The following LRP2BP variants were observed in gnomAD, a reference collection of about 807,000 sequenced individuals.
The protein encoded by LRP2BP is LRP2 binding protein, also known as LRP2-binding protein.
In LRP2BP, 38 loss-of-function variants were observed where a neutral mutation model predicts 45.2. The observed-to-expected ratio is 0.84, with a 90% CI of 0.65 to 1.10. The LOEUF (loss-of-function observed/expected upper bound fraction) is 1.10, where lower values mean the gene tolerates loss of function less well. Among genes scored for constraint, LRP2BP ranks in the 50% least tolerant of loss-of-function variants. LRP2BP has a pLI of 0.00. For synonymous variants in LRP2BP, 153 were observed against 153.9 expected, an observed-to-expected ratio of 0.99 and a Z score of 0.04; for missense variants, 385 against 418.9, an observed-to-expected ratio of 0.92 and a Z score of 0.71.
intron 1 of LRP2BP, among the ~76,000 whole-genome samples, chr4:185,384,672 C>T (rs1018787061): frequency 2.0e-5 from 3 of 150,664 alleles, no homozygotes; most frequent in Non-Finnish European, 4.4e-5. Flanking sequence ...AATAAGCCTC[C>T]CCGGCAAACC....
At position 185,375,628 on chromosome 4, in the gene LRP2BP, C is replaced by T. The variant is rs1211799045; in HGVS notation, c.315G>A (p.Gly105=). The stretch of plus-strand genomic sequence containing the variant: ...ATTAACTTACAGCGTCTAGAGTGGT[C>T]CCCAGCCCATCATAGTACATCACTC... ...QLGVMYYDGL[G]TTLDAEKGVD... The change falls in exon 4 of 9, where the codon GGG becomes GGA. Residue 105 remains glycine, a synonymous_variant. Coordinates refer to ENST00000505916, the MANE Select transcript of LRP2BP (RefSeq NM_001377440.1). The T allele has an allele frequency of 6.2e-6, 10 of 1,606,654 alleles. No homozygotes were observed. Among genetic ancestry groups the T allele is most frequent in the Non-Finnish European group, 8.5e-6 (10 of 1,176,456 alleles).
chr4:185,386,963 T>C (rs2095473503), intron 1 of LRP2BP, among the ~76,000 whole-genome samples: 1 of 152,154 alleles, frequency 6.6e-6, no homozygotes, highest in South Asian at 2.1e-4. Context: ...ACCATTGTGT[T>C]GGCAGGGTGC....
intron 8 of LRP2BP, among the ~76,000 whole-genome samples, chr4:185,368,493 C>T (rs967369681): frequency 1.3e-5 from 2 of 152,200 alleles, no homozygotes; most frequent in East Asian, 1.9e-4. Context: ...TCCCTTCCTG[C>T]GGGACACTGC....
chr4:185,377,078 G>A (rs1221442077), intron 2 of LRP2BP, 60 bp from the exon 3 acceptor site: 3 of 1,181,158 alleles, frequency 2.5e-6, no homozygotes, highest in African/African-American at 3.0e-5. Context: ...CTCTCTTGAA[G>A]TAATGAATCA....
At chr4:185,385,191 G>T (rs1252357923) in intron 1 of LRP2BP, among the ~76,000 whole-genome samples, 1 of 152,166 alleles carries the variant, frequency 6.6e-6, no homozygotes, top group African/African-American at 2.4e-5. Context: ...CCCGCCGTTT[G>T]TGTGGGCCCA....
At chr4:185,386,154 ACAC>A (rs1456481079) in intron 1 of LRP2BP, among the ~76,000 whole-genome samples, 1 of 152,230 alleles carries the variant, frequency 6.6e-6, no homozygotes, top group Non-Finnish European at 1.5e-5. Flanking sequence ...AAAAAATAAA[ACAC>A]AAAACAAGCA....
At chr4:185,375,900 G>A (rs1421109869) in intron 3 of LRP2BP, among the ~76,000 whole-genome samples, 174 bp from the exon 4 acceptor site, 3 of 152,030 alleles carry the variant, frequency 2.0e-5, no homozygotes, top group South Asian at 2.1e-4. Context: ...ATGGTGCTCT[G>A]CCATCCTCAG....
At chr4:185,384,076 C>T (rs2095463292) in intron 1 of LRP2BP, among the ~76,000 whole-genome samples, 1 of 152,158 alleles carries the variant, frequency 6.6e-6, no homozygotes, top group Non-Finnish European at 1.5e-5. Flanking sequence ...CCAAAGTTCA[C>T]ATGTTGAAAC....
chr4:185,381,187 CA>C (rs1421413974), intron 1 of LRP2BP, among the ~76,000 whole-genome samples: 1 of 152,194 alleles, frequency 6.6e-6, no homozygotes, highest in African/African-American at 2.4e-5. Context: ...TAAATGGAAT[CA>C]TACAGTGTGT....
chr4:185,385,905 A>AGGCG (rs369541635), intron 1 of LRP2BP, among the ~76,000 whole-genome samples: 3 of 34,886 alleles, frequency 8.6e-5, no homozygotes, highest in Non-Finnish European at 2.0e-4. Flanking sequence ...TGTCTCGGGG[A>AGGCG]GGGGGGGGGG....
At chr4:185,387,844 C>T (rs921117273) in intron 1 of LRP2BP, among the ~76,000 whole-genome samples, 38 of 152,206 alleles carry the variant, frequency 2.5e-4, no homozygotes, top group African/African-American at 9.2e-4. Flanking sequence ...CCTTCTCCCA[C>T]GTCTCCGTGC....
Position 185,374,480 on chromosome 4 carries a change from C to CA in LRP2BP, c.331-20dup, listed in dbSNP as rs755352233. The CA allele has an allele frequency of 8.8e-6, 14 of 1,598,064 alleles. No homozygotes were observed. The South Asian group carries it at 1.1e-4, about 13-fold the overall frequency. On this transcript the variant is annotated intron_variant, in intron 4 of 8. Transcript: ENST00000505916. Reference sequence around the variant, plus strand: ...CTTTCTCCTTCGACAAAAGAAAGAGCAAAAAAACCCTAGTTTTTAGTTTTA... The same window carrying CA: ...CTTTCTCCTTCGACAAAAGAAAGAGCAAAAAAAACCCTAGTTTTTAGTTTTA...
chr4:185,381,901 C>A (rs1184060800), intron 1 of LRP2BP, among the ~76,000 whole-genome samples: 1 of 152,156 alleles, frequency 6.6e-6, no homozygotes, highest in East Asian at 1.9e-4. Flanking sequence ...ATAAAATTCA[C>A]CCTTTTAAAG....
chr4:185,385,762 G>A (rs749031388), intron 1 of LRP2BP, among the ~76,000 whole-genome samples: 7 of 152,148 alleles, frequency 4.6e-5, no homozygotes, highest in African/African-American at 9.7e-5. Flanking sequence ...TTAGCTGGGT[G>A]CGGTAGTAGG....
At chr4:185,372,778 A>G in intron 7 of LRP2BP, 78 bp downstream of exon 7, 1 of 1,273,288 alleles carries the variant, frequency 7.9e-7, no homozygotes, top group Non-Finnish European at 1.1e-6. Context: ...AACTGTGAGA[A>G]ATAAATTTCT....
chr4:185,394,587 C>T (rs1203388320), intron 1 of LRP2BP, among the ~76,000 whole-genome samples, 192 bp downstream of exon 1: 1 of 152,160 alleles, frequency 6.6e-6, no homozygotes, highest in Non-Finnish European at 1.5e-5. Flanking sequence ...TCTCATTTGT[C>T]GGCCTTTCTC....
At position 185,363,900 on chromosome 4, in the gene LRP2BP, TTG is replaced by T. The variant is rs2095377282; in HGVS notation, c.*3278_*3279del. On this transcript the variant is annotated 3_prime_UTR_variant, in exon 9 of 9. Transcript: ENST00000505916. The surrounding 1 kb of genome is among the most constrained non-coding windows in gnomAD (Gnocchi z 4.2). ...GTGTAAAGTTATTGTGAAGATTTTA[TTG>T]TCTTTATTTTTACCAAAGATTTCCC... 6.5e-6 allele frequency: 1 copy of T among 153,802 alleles called. No individual in the cohort carries two copies. The highest frequency in any genetic ancestry group is 2.4e-5 in the African/African-American group (1 of 41,474). 9.5% of individuals were successfully genotyped at this position (153,802 alleles called of 1,614,324 possible).
rs2095424878 is a variant in LRP2BP at position 185,374,035 on chromosome 4, A to C, written c.579+100T>G. ...TCTTTACATTTAAAGGAACTATAAG[A>C]GATATTTAAAACGACATTCCCCACC... On this transcript the variant is annotated intron_variant, in intron 6 of 8. Coordinates refer to ENST00000505916, the MANE Select transcript of LRP2BP (RefSeq NM_001377440.1). 3.2e-6 allele frequency: 3 copies of C among 925,518 alleles called. No homozygotes were observed. In the South Asian group the frequency reaches 4.8e-5, roughly 15 times the overall value. 57.3% of individuals were successfully genotyped at this position (925,518 alleles called of 1,614,324 possible). A position where few individuals can be genotyped will look rare whatever the true frequency, so the allele number is the denominator to read the frequency against.
intron 8 of LRP2BP, among the ~76,000 whole-genome samples, chr4:185,367,974 T>C (rs549756641): frequency 1.3e-5 from 2 of 152,192 alleles, no homozygotes; most frequent in Non-Finnish European, 2.9e-5. Context: ...GGTCAGGAGA[T>C]CGAGACCATC....
Sources: gnomAD v4.1 joint callset for allele counts (sites outside exome capture counted in the v4.1 genomes callset) on GRCh38, gnomAD v4.1.1 for gene constraint, Gnocchi (gnomAD v3.1) non-coding constraint, MANE v1.5 for transcripts, NCBI Gene and HGNC (gene_info 2026-07-23, HGNC 2026-07-21) for gene names.